Variants in MBD5 observed in about 807,000 individuals in gnomAD.
The protein encoded by MBD5 is methyl-CpG-binding domain protein 5.
MBD5 carries 13 observed loss-of-function variants against 117.3 expected under a neutral mutation model. That is an observed-to-expected ratio of 0.11 (90% CI 0.07 to 0.18). The LOEUF (loss-of-function observed/expected upper bound fraction) is 0.18. MBD5 is among the 10% of genes least tolerant of loss of function. MBD5 has a pLI of 1.00. For missense variants in MBD5, 1,879 were observed against 2,093.8 expected (o/e 0.90, Z 2.00); for synonymous variants, 727 against 766.4 (o/e 0.95, Z 0.85).
intron 2 of MBD5, among the ~76,000 whole-genome samples, chr2:148,198,389 G>A (rs1699049375): frequency 6.6e-6 from 1 of 151,850 alleles, no homozygotes; most frequent in Admixed American, 6.6e-5. Flanking sequence ...CTCTGTAAAT[G>A]GGAATACAAA....
rs1278136259 is a variant in MBD5 at position 148,468,831 on chromosome 2, T to C, written c.888T>C (p.Asn296=). 6.2e-7 allele frequency: 1 copy of C among 1,613,992 alleles called. No homozygotes were observed. The highest frequency in any genetic ancestry group is 8.5e-7 in the Non-Finnish European group (1 of 1,179,944). Residue 296 remains asparagine (N), a synonymous_variant, in exon 8 of 14, where the codon AAT becomes AAC. Transcript: ENST00000642680. The part of the protein sequence containing the change: ...QSSCAMAGRT[N]IPLSPTLTTK... ...CCTGTGCAATGGCTGGAAGGACTAATATACCTCTTTCCCCAACCTTGACTA... is the reference window on the plus strand; with the variant it reads ...CCTGTGCAATGGCTGGAAGGACTAACATACCTCTTTCCCCAACCTTGACTA...
rs569257235 is a variant in MBD5 at position 148,241,175 on chromosome 2, A to G, written c.-680+7780A>G. ...CACTGTAGAGACTCTAGATTCTGTT[A>G]TCTTCTTCTGAAGAGTATTGACCTT... On this transcript the variant is annotated intron_variant, in intron 3 of 13. Coordinates refer to ENST00000642680, the MANE Select transcript of MBD5 (RefSeq NM_001378120.1). Among the ~76,000 whole-genome samples, 9 of 152,206 alleles carry G rather than the reference A, an allele frequency of 5.9e-5. No individual in the cohort carries two copies. In the South Asian group the frequency reaches 1.7e-3, roughly 28 times the overall value.
chr2:148,052,209 T>G (rs894175631), intron 1 of MBD5, among the ~76,000 whole-genome samples: 18 of 134,074 alleles, frequency 1.3e-4, no homozygotes, highest in South Asian at 5.0e-4. Context: ...TTATTGAGTT[T>G]TTTTTTTTTT....
At chr2:148,099,579 T>C (rs1696152665) in intron 1 of MBD5, among the ~76,000 whole-genome samples, 2 of 151,958 alleles carry the variant, frequency 1.3e-5, no homozygotes, top group Admixed American at 1.3e-4. Context: ...AAAAGAAAAG[T>C]GAGAGAAAGT....
intron 10 of MBD5, among the ~76,000 whole-genome samples, chr2:148,487,036 C>T (rs1681360365): frequency 6.6e-6 from 1 of 152,178 alleles, no homozygotes; most frequent in Non-Finnish European, 1.5e-5. Context: ...TTATGAACCA[C>T]TCCATCAGTA....
rs577567411 is a variant in MBD5 at position 148,469,363 on chromosome 2, A to G, written c.1420A>G (p.Met474Val). ...ATCATCAGATCATGGAAATTTCATG[A>G]TGCCACCTGTAGGACCCCAGGCCAC... ...STSSDHGNFM[M>V]PPVGPQATSS... Residue 474 changes from methionine to valine, a missense_variant, in exon 8 of 14, where the codon ATG becomes GTG. This residue lies in a region of MBD5 where 1,666 missense variants were observed against 1,792.2 expected (regional missense o/e 0.93). Coordinates refer to ENST00000642680, the MANE Select transcript of MBD5 (RefSeq NM_001378120.1). The G allele has an allele frequency of 2.5e-6, 4 of 1,613,696 alleles. No individual in the cohort carries two copies. Among genetic ancestry groups the G allele is most frequent in the South Asian group, 2.2e-5 (2 of 91,070 alleles).
intron 1 of MBD5, among the ~76,000 whole-genome samples, chr2:148,103,794 TA>T: frequency 6.6e-6 from 1 of 152,296 alleles, no homozygotes; most frequent in South Asian, 2.1e-4. Flanking sequence ...TCAAATTAAA[TA>T]AAGGTATCTG....
intron 3 of MBD5, among the ~76,000 whole-genome samples, chr2:148,246,582 A>G (rs1232225346): frequency 6.6e-6 from 1 of 151,986 alleles, no homozygotes; most frequent in East Asian, 1.9e-4. Flanking sequence ...CAGCCTAGCC[A>G]AGATGGTGAA....
chr2:148,417,760 T>C (rs1433877979), intron 4 of MBD5, among the ~76,000 whole-genome samples: 1 of 152,186 alleles, frequency 6.6e-6, no homozygotes, highest in East Asian at 1.9e-4. Context: ...TATATCTTCT[T>C]TTGAGAAATG....
chr2:148,415,485 A>G (rs1201898558), intron 4 of MBD5, among the ~76,000 whole-genome samples: 1 of 152,112 alleles, frequency 6.6e-6, no homozygotes, highest in Admixed American at 6.6e-5. Flanking sequence ...GGTTCTTGGC[A>G]TTCCCTGAAT....
chr2:148,172,476 G>A (rs746028416), intron 1 of MBD5, among the ~76,000 whole-genome samples: 1 of 152,206 alleles, frequency 6.6e-6, no homozygotes, highest in African/African-American at 2.4e-5. Context: ...CTGGGGTTGG[G>A]GAAGGCAGAG....
chr2:148,478,490 G>A (rs565536947), intron 8 of MBD5, among the ~76,000 whole-genome samples: 6 of 152,160 alleles, frequency 3.9e-5, no homozygotes, highest in African/African-American at 1.4e-4. Flanking sequence ...CCCAGGAGGC[G>A]GAGGTTGCAG....
intron 2 of MBD5, among the ~76,000 whole-genome samples, chr2:148,189,237 A>C (rs1267614867): frequency 2.0e-5 from 3 of 147,458 alleles, no homozygotes; most frequent in South Asian, 4.4e-4. Flanking sequence ...GGGAAGCTCG[A>C]ACTGGGTGGA....
rs1559086508 is a variant in MBD5 at position 148,469,194 on chromosome 2, G to C, written c.1251G>C (p.Met417Ile). 7 of 1,614,006 alleles carry C rather than the reference G, an allele frequency of 4.3e-6. No individual in the cohort carries two copies. Among genetic ancestry groups the C allele is most frequent in the Non-Finnish European group, 5.9e-6 (7 of 1,179,958 alleles). ...LPLPTVKPGH[M>I]NHGSHVQRVQ... ...TGCCAACTGTAAAACCTGGTCACATGAATCATGGGAGTCATGTACAAAGAG... is the reference window on the plus strand; with the variant it reads ...TGCCAACTGTAAAACCTGGTCACATCAATCATGGGAGTCATGTACAAAGAG... The change falls in exon 8 of 14, where the codon ATG (methionine) becomes ATC (isoleucine). Residue 417 changes from methionine to isoleucine, a missense_variant. By Grantham distance (10) the Met-to-Ile change is conservative. Transcript: ENST00000642680.
At chr2:148,407,859 C>A (rs1705129501) in intron 4 of MBD5, among the ~76,000 whole-genome samples, 1 of 152,064 alleles carries the variant, frequency 6.6e-6, no homozygotes, top group Non-Finnish European at 1.5e-5. Context: ...TTAATAGATG[C>A]CTTATATGTC....
At position 148,509,616 on chromosome 2, in the gene MBD5, A is replaced by C. The variant is rs529203734; in HGVS notation, c.5037-444A>C. Among the ~76,000 whole-genome samples the C allele has an allele frequency of 5.3e-5, 8 of 152,320 alleles. No homozygotes were observed. The South Asian group carries it at 1.7e-3, about 32-fold the overall frequency. ...AGCCAGGACGCTCCAGAGAGGACAGAGGGAGCTCCCTAGTGGCCAGAGCCT... is the reference window on the plus strand; with the variant it reads ...AGCCAGGACGCTCCAGAGAGGACAGCGGGAGCTCCCTAGTGGCCAGAGCCT... On this transcript the variant is annotated intron_variant, in intron 12 of 13. Transcript: ENST00000642680.
intron 2 of MBD5, among the ~76,000 whole-genome samples, chr2:148,185,533 G>A: frequency 6.6e-6 from 1 of 152,144 alleles, no homozygotes; most frequent in East Asian, 1.9e-4. Context: ...ATATCCAAAA[G>A]TGGGGGTTAA....
chr2:148,228,172 C>A (rs1699885656), intron 2 of MBD5, among the ~76,000 whole-genome samples: 1 of 152,192 alleles, frequency 6.6e-6, no homozygotes, highest in African/African-American at 2.4e-5. Flanking sequence ...TGAGAGAGGG[C>A]ATCCCTGTCT....
At chr2:148,482,713 T>G (rs1681197966) in intron 8 of MBD5, among the ~76,000 whole-genome samples, 1 of 152,188 alleles carries the variant, frequency 6.6e-6, no homozygotes, top group Non-Finnish European at 1.5e-5. Flanking sequence ...GAAAAAAATT[T>G]TTAAAATAAA....
Sources: allele counts gnomAD v4.1 joint callset (sites outside exome capture counted in the v4.1 genomes callset), GRCh38; gene constraint gnomAD v4.1.1; regional missense constraint gnomAD v4.1.1; transcripts MANE v1.5; gene names NCBI Gene and HGNC (gene_info 2026-07-23, HGNC 2026-07-21).